FTCDNL1: variants seen among roughly 807,000 people sequenced by gnomAD.
FTCDNL1 encodes formiminotransferase cyclodeaminase N-terminal like.
Under a neutral mutation model 5.9 loss-of-function variants are expected in FTCDNL1, and 11 were observed. The ratio of observed to expected loss-of-function variants is 1.87; its 90% confidence interval spans 1.18 to 3.10. FTCDNL1 has a LOEUF of 3.10. FTCDNL1 is among the 30% of genes most tolerant of loss of function. The pLI, the probability that FTCDNL1 is intolerant of heterozygous loss-of-function variation, is 0.00. For synonymous variants in FTCDNL1, 58 were observed against 24.8 expected (o/e 2.34, Z -3.99); for missense variants, 115 against 65.5 (o/e 1.76, Z -2.61).
the FTCDNL1 span, among the ~76,000 whole-genome samples, chr2:199,707,875 CTG>C: frequency 6.6e-6 from 1 of 151,876 alleles, no homozygotes; most frequent in African/African-American, 2.4e-5. Context: ...TTAAAATTTT[CTG>C]TGTTTTGGCT....
At chr2:199,815,880 G>A in intron 4 of FTCDNL1, among the ~76,000 whole-genome samples, 1 of 151,924 alleles carries the variant, frequency 6.6e-6, no homozygotes, top group Admixed American at 6.6e-5. Context: ...CGTGCCTGTA[G>A]TCCCAGCCAC....
At chr2:199,668,091 T>C in the FTCDNL1 span, among the ~76,000 whole-genome samples, 1 of 152,238 alleles carries the variant, frequency 6.6e-6, no homozygotes, top group Non-Finnish European at 1.5e-5. Flanking sequence ...TGGGCTTTGC[T>C]GAATGCTTTC....
chr2:199,729,382 T>G, the FTCDNL1 span, among the ~76,000 whole-genome samples: 1 of 152,138 alleles, frequency 6.6e-6, no homozygotes, highest in Non-Finnish European at 1.5e-5. Flanking sequence ...AAATAAAAGG[T>G]GTTCAAATAG....
At chr2:199,846,492 A>G (rs2076736752) in intron 2 of FTCDNL1, among the ~76,000 whole-genome samples, 1 of 152,220 alleles carries the variant, frequency 6.6e-6, no homozygotes, top group African/African-American at 2.4e-5. Flanking sequence ...TAGCCAAATC[A>G]TATGGCTCTA....
intron 3 of FTCDNL1, among the ~76,000 whole-genome samples, chr2:199,778,893 G>C (rs902328417): frequency 6.6e-6 from 1 of 152,108 alleles, no homozygotes; most frequent in Non-Finnish European, 1.5e-5. Context: ...TCTATAAAGC[G>C]CATGAGTAAT....
At chr2:199,790,541 T>C (rs1323479423) in intron 3 of FTCDNL1, among the ~76,000 whole-genome samples, 1 of 150,996 alleles carries the variant, frequency 6.6e-6, no homozygotes, top group African/African-American at 2.4e-5. Flanking sequence ...CAAAGGGGTA[T>C]CTTTGTAATA....
the FTCDNL1 span, among the ~76,000 whole-genome samples, chr2:199,748,174 A>C: frequency 6.6e-6 from 1 of 152,230 alleles, no homozygotes; most frequent in Non-Finnish European, 1.5e-5. Flanking sequence ...AAGTATGTAG[A>C]ATATACTCCA....
the FTCDNL1 span, among the ~76,000 whole-genome samples, chr2:199,743,710 G>T: frequency 2.0e-5 from 3 of 152,076 alleles, no homozygotes; most frequent in Non-Finnish European, 1.5e-5. Context: ...CTCGGGGTCT[G>T]CAGGCCATCG....
chr2:199,717,914 T>A, the FTCDNL1 span, among the ~76,000 whole-genome samples: 1 of 149,472 alleles, frequency 6.7e-6, no homozygotes, highest in South Asian at 2.1e-4. Context: ...TCCAACATGC[T>A]ACTTATGGAA....
At chr2:199,749,085 G>T in the FTCDNL1 span, among the ~76,000 whole-genome samples, 1 of 152,120 alleles carries the variant, frequency 6.6e-6, no homozygotes, top group Non-Finnish European at 1.5e-5. Flanking sequence ...CGTCTGAAGG[G>T]CTCTTTCTTT....
intron 3 of FTCDNL1, among the ~76,000 whole-genome samples, chr2:199,825,247 G>A (rs142548673): frequency 2.0e-5 from 3 of 152,012 alleles, no homozygotes; most frequent in Non-Finnish European, 2.9e-5. Context: ...GTGAACACAC[G>A]CTGTTGGAAA....
At chr2:199,716,945 T>A in the FTCDNL1 span, among the ~76,000 whole-genome samples, 1 of 152,112 alleles carries the variant, frequency 6.6e-6, no homozygotes, top group Non-Finnish European at 1.5e-5. Context: ...AAGTTCTGAC[T>A]CCTGTAGCCT....
At chr2:199,773,986 C>G (rs548616113) in intron 3 of FTCDNL1, among the ~76,000 whole-genome samples, 14 of 152,198 alleles carry the variant, frequency 9.2e-5, no homozygotes, top group Non-Finnish European at 1.9e-4. Flanking sequence ...CATTACATAT[C>G]ACTTTAGTCA....
At chr2:199,741,638 C>T in the FTCDNL1 span, among the ~76,000 whole-genome samples, 1 of 152,146 alleles carries the variant, frequency 6.6e-6, no homozygotes, top group East Asian at 1.9e-4. Context: ...CTTTGTAATC[C>T]TAAATAAAAT....
At chr2:199,840,243 G>C (rs926829866) in intron 3 of FTCDNL1, among the ~76,000 whole-genome samples, 2 of 152,142 alleles carry the variant, frequency 1.3e-5, no homozygotes, top group African/African-American at 2.4e-5. Flanking sequence ...TAAACCAGTG[G>C]TAAGTATATA....
chr2:199,846,044 A>G, intron 3 of FTCDNL1, 31 bp downstream of exon 3: 1 of 673,898 alleles, frequency 1.5e-6, no homozygotes, highest in Non-Finnish European at 2.7e-6. Flanking sequence ...AAAAAAAGAC[A>G]TATATGTAAA....
chr2:199,752,852 C>G, the FTCDNL1 span, among the ~76,000 whole-genome samples: 1 of 141,790 alleles, frequency 7.1e-6, no homozygotes, highest in Non-Finnish European at 1.6e-5. Context: ...GAGAGACAGA[C>G]AATGAGAGAG....
the FTCDNL1 span, among the ~76,000 whole-genome samples, chr2:199,665,572 G>C: frequency 1.3e-5 from 2 of 150,216 alleles, no homozygotes; most frequent in African/African-American, 4.9e-5. Context: ...GGCAGAAGTT[G>C]CAATGAGCCG....
At chr2:199,717,255 G>A in the FTCDNL1 span, among the ~76,000 whole-genome samples, 1 of 152,318 alleles carries the variant, frequency 6.6e-6, no homozygotes, top group Admixed American at 6.5e-5. Flanking sequence ...AGAAATGACT[G>A]TCCGTGTAGT....
Sources: gnomAD v4.1 joint callset for allele counts (sites outside exome capture counted in the v4.1 genomes callset) on GRCh38, gnomAD v4.1.1 for gene constraint, MANE v1.5 for transcripts, NCBI Gene and HGNC (gene_info 2026-07-23, HGNC 2026-07-21) for gene names.